FAM149A: variants seen among roughly 807,000 people sequenced by gnomAD.
FAM149A encodes protein FAM149A.
In FAM149A, 71 loss-of-function variants were observed where a neutral mutation model predicts 78.2. The ratio of observed to expected loss-of-function variants is 0.91; its 90% CI spans 0.75 to 1.11. FAM149A has a LOEUF of 1.11. Among genes scored for constraint, FAM149A ranks in the 50% least tolerant of loss-of-function variants. FAM149A has a pLI of 0.00. For synonymous variants in FAM149A, 446 were observed against 410.5 expected, an observed-to-expected ratio of 1.09 and a Z score of -1.04; for missense variants, 1,036 against 971.0, an observed-to-expected ratio of 1.07 and a Z score of -0.89.
Position 186,157,463 on chromosome 4 carries a change from G to A in FAM149A, c.1421-102G>A, listed in dbSNP as rs190904518. 3.9e-4 allele frequency: 470 copies of A among 1,211,748 alleles called. 1 individual carries two copies. In the African/African-American group the frequency reaches 4.8e-3, roughly 12 times the overall value. The allele number at this position is 1,211,748 out of a possible 1,614,324, so 75.1% of individuals were successfully genotyped here. On this transcript the variant is annotated intron_variant, in intron 7 of 13. Coordinates refer to ENST00000389354, the MANE Select transcript of FAM149A (RefSeq NM_001367768.3). ...TGTGGAGTGGCCGTAGCATGGGCTC[G>A]TGGTAGCTCAAGCACACATATTCTC...
At chr4:186,127,197 T>C (rs1397219124) in intron 1 of FAM149A, 3 of 969,864 alleles carry the variant, frequency 3.1e-6, no homozygotes, top group Non-Finnish European at 3.7e-6. Flanking sequence ...AGCATCACAC[T>C]GGGAGTTTGA....
intron 1 of FAM149A, chr4:186,125,417 CA>C: frequency 1.2e-6 from 1 of 824,036 alleles, no homozygotes; most frequent in Non-Finnish European, 1.5e-6. Flanking sequence ...GGCAGCCCCA[CA>C]AACACAGTAA....
At chr4:186,149,095 GA>G in intron 1 of FAM149A, 77 bp from the exon 2 acceptor site, 4 of 1,177,110 alleles carry the variant, frequency 3.4e-6, no homozygotes, top group Non-Finnish European at 4.3e-6. Context: ...TTGTATAAAA[GA>G]GAAATTTTAA....
intron 1 of FAM149A, chr4:186,146,827 C>G: frequency 3.0e-6 from 3 of 985,398 alleles, no homozygotes; most frequent in Non-Finnish European, 3.6e-6. Flanking sequence ...ATGTTTCAGG[C>G]ATAAACATTC....
At chr4:186,125,623 G>T (rs1322905041) in intron 1 of FAM149A, 2 of 822,048 alleles carry the variant, frequency 2.4e-6, no homozygotes, top group African/African-American at 1.8e-5. Flanking sequence ...CAGGCTTGTT[G>T]TCAGGTTTAA....
At chr4:186,150,443 G>A (rs1459491347) in intron 3 of FAM149A, among the ~76,000 whole-genome samples, 5 of 103,902 alleles carry the variant, frequency 4.8e-5, no homozygotes, top group South Asian at 3.7e-4. Context: ...TTTTTGAGAC[G>A]GAGTCTCGCT....
At chr4:186,146,699 C>T (rs1043286471) in intron 1 of FAM149A, 24 of 827,330 alleles carry the variant, frequency 2.9e-5, no homozygotes, top group Non-Finnish European at 3.4e-5. Context: ...GCGGTGAAAA[C>T]CATTTGGGGG....
Position 186,154,601 on chromosome 4 carries a change from A to C in FAM149A, c.1192A>C (p.Lys398Gln). 6.2e-7 allele frequency: 1 copy of C among 1,614,178 alleles called. No individual in the cohort carries two copies. The highest frequency in any genetic ancestry group is 1.1e-5 in the South Asian group (1 of 91,074). Reference sequence around the variant, plus strand: ...AGAAGAGGTTTACCATGTGGATGGAAAGATTGAGGAGTATTTCGCTTTTGA... The same window carrying C: ...AGAAGAGGTTTACCATGTGGATGGACAGATTGAGGAGTATTTCGCTTTTGA... The change falls in exon 6 of 14, where the codon AAG becomes CAG. Residue 398 changes from lysine to glutamine, a missense_variant. Physicochemically the swap from Lys to Gln is moderately conservative, Grantham distance 53. Transcript: ENST00000389354.
At chr4:186,153,410 G>A in intron 4 of FAM149A, 3 of 985,162 alleles carry the variant, frequency 3.0e-6, no homozygotes, top group Non-Finnish European at 3.6e-6. Context: ...TTTTGCAAAT[G>A]AAAGACAAAC....
At chr4:186,132,207 A>G (rs1303726428) in intron 1 of FAM149A, 4 of 985,338 alleles carry the variant, frequency 4.1e-6, no homozygotes, top group Non-Finnish European at 4.8e-6. Flanking sequence ...CCTGTTTTCT[A>G]TATCTGAAAA....
In FAM149A at chr4:186,162,945, C is replaced by T. The variant is rs377734857; in HGVS notation, c.1676C>T (p.Thr559Met). 1.0e-4 allele frequency: 158 copies of T among 1,585,872 alleles called. No homozygotes were observed. The highest frequency in any genetic ancestry group is 1.2e-4 in the Non-Finnish European group (141 of 1,156,666). Residue 559 changes from threonine to methionine, a missense_variant, in exon 9 of 14, where the codon ACG becomes ATG. This residue lies in a region of FAM149A where 716 missense variants were observed against 711.8 expected (regional missense o/e 1.01). Coordinates refer to ENST00000389354, the MANE Select transcript of FAM149A (RefSeq NM_001367768.3). ...AGACCTGCCTATTTTGCTGACAGAACGCAGTACGTATCAGAATCAGTAGTA... is the reference window on the plus strand; with the variant it reads ...AGACCTGCCTATTTTGCTGACAGAATGCAGTACGTATCAGAATCAGTAGTA...
At chr4:186,132,481 A>T (rs890854241) in intron 1 of FAM149A, among the ~76,000 whole-genome samples, 13 of 152,248 alleles carry the variant, frequency 8.5e-5, no homozygotes, top group African/African-American at 2.4e-4. Flanking sequence ...ACCAAAAAAT[A>T]TCTAAGACAG....
chr4:186,154,993 C>T (rs1311560557), intron 6 of FAM149A: 3 of 961,050 alleles, frequency 3.1e-6, no homozygotes, highest in African/African-American at 1.8e-5. Context: ...GACGGAGTCT[C>T]GCTCTGTCGC....
intron 1 of FAM149A, among the ~76,000 whole-genome samples, chr4:186,124,663 T>C (rs13133026): frequency 0.49 from 74,904 of 151,940 alleles, 18,612 homozygotes; most frequent in Admixed American, 0.53. Flanking sequence ...CAGTCTATCA[T>C]TGTTGCACAT....
chr4:186,137,036 G>A (rs370924891), intron 1 of FAM149A, among the ~76,000 whole-genome samples: 2 of 135,458 alleles, frequency 1.5e-5, no homozygotes, highest in African/African-American at 2.9e-5. Context: ...TTAAAGCAGG[G>A]CCTGGTGTGT....
rs531389374 is a variant in FAM149A, at chr4:186,137,953, A to C, written c.567-11220A>C. Among the ~76,000 whole-genome samples, 4 of 152,272 alleles carry C rather than the reference A, an allele frequency of 2.6e-5. No homozygotes were observed. In the East Asian group the frequency reaches 7.7e-4, roughly 29 times the overall value. On this transcript the variant is annotated intron_variant, in intron 1 of 13. Coordinates refer to ENST00000389354, the MANE Select transcript of FAM149A (RefSeq NM_001367768.3). ...AGATTTTTATACTCTTCCCATTAAA[A>C]TAATAAAACATGATATTGTTTTATT...
chr4:186,142,449 G>T (rs957677152), intron 1 of FAM149A, among the ~76,000 whole-genome samples: 1 of 152,206 alleles, frequency 6.6e-6, no homozygotes, highest in African/African-American at 2.4e-5. Context: ...GCCAGAGGAC[G>T]GTTATGGCGG....
intron 8 of FAM149A, among the ~76,000 whole-genome samples, chr4:186,161,618 C>A (rs1239747556): frequency 6.6e-6 from 1 of 151,928 alleles, no homozygotes; most frequent in Non-Finnish European, 1.5e-5. Context: ...AATAAACAGA[C>A]CAGAAAAATA....
intron 1 of FAM149A, among the ~76,000 whole-genome samples, chr4:186,143,458 CATT>C (rs996972366): frequency 9.2e-5 from 14 of 152,166 alleles, no homozygotes; most frequent in Non-Finnish European, 1.5e-4. Flanking sequence ...TTTAAAATCT[CATT>C]AATTTTATAA....
Sources: gnomAD v4.1 joint callset for allele counts (sites outside exome capture counted in the v4.1 genomes callset) on GRCh38, gnomAD v4.1.1 for gene constraint, gnomAD v4.1.1 regional missense constraint, MANE v1.5 for transcripts, NCBI Gene and HGNC (gene_info 2026-07-23, HGNC 2026-07-21) for gene names.